MAGI2: variants seen among roughly 807,000 people sequenced by gnomAD.
MAGI2 encodes membrane associated guanylate kinase, WW and PDZ domain containing 2, also known as membrane-associated guanylate kinase, WW and PDZ domain-containing protein 2.
A neutral mutation model predicts 133.3 loss-of-function variants in MAGI2; 35 were observed. The observed-to-expected ratio is 0.26, with a 90% CI of 0.20 to 0.35. The LOEUF is 0.35. MAGI2 is among the 10% of genes least tolerant of loss of function. The pLI is 1.00. For synonymous variants in MAGI2, 729 were observed against 710.6 expected, an observed-to-expected ratio of 1.03 and a Z score of -0.41; for missense variants, 1,636 against 1,863.4, an observed-to-expected ratio of 0.88 and a Z score of 2.25.
chr7:78,122,601 A>G (rs1820576434), intron 20 of MAGI2, among the ~76,000 whole-genome samples: 1 of 152,208 alleles, frequency 6.6e-6, no homozygotes, highest in African/African-American at 2.4e-5. Flanking sequence ...TTATGAAATA[A>G]TGTTCTTTTT....
chr7:78,797,196 A>T (rs1787687155), intron 2 of MAGI2, among the ~76,000 whole-genome samples: 1 of 152,200 alleles, frequency 6.6e-6, no homozygotes, highest in African/African-American at 2.4e-5. Flanking sequence ...AATTACCCTG[A>T]TTTGATCATT....
chr7:78,554,276 T>C (rs1799600609), intron 3 of MAGI2, among the ~76,000 whole-genome samples: 1 of 152,166 alleles, frequency 6.6e-6, no homozygotes, highest in South Asian at 2.1e-4. Flanking sequence ...AAGGCTTGTG[T>C]AAGCGCTTGT....
chr7:78,844,701 G>A (rs518676), intron 2 of MAGI2, among the ~76,000 whole-genome samples: 22,487 of 151,686 alleles, frequency 0.15, 1,929 homozygotes, highest in Non-Finnish European at 0.2. Flanking sequence ...GGAACAGGGG[G>A]TGATGAAAAT....
intron 1 of MAGI2, among the ~76,000 whole-genome samples, chr7:79,228,673 T>G (rs1369054880): frequency 6.6e-6 from 1 of 152,212 alleles, no homozygotes; most frequent in Non-Finnish European, 1.5e-5. Context: ...CAGATTGTTA[T>G]GGTTATTTAT....
chr7:78,972,751 T>TA (rs1243658306), intron 2 of MAGI2, among the ~76,000 whole-genome samples: 1 of 151,948 alleles, frequency 6.6e-6, no homozygotes, highest in African/African-American at 2.4e-5. Flanking sequence ...ATAGTGGTAT[T>TA]GTATAACCAT....
intron 6 of MAGI2, among the ~76,000 whole-genome samples, chr7:78,387,230 C>T (rs1795466318): frequency 6.6e-6 from 1 of 152,066 alleles, no homozygotes; most frequent in African/African-American, 2.4e-5. Flanking sequence ...ATTCATGCAC[C>T]TTGATTGGGG....
chr7:79,356,781 T>C (rs187389804), intron 1 of MAGI2, among the ~76,000 whole-genome samples: 240 of 152,274 alleles, frequency 1.6e-3, no homozygotes, highest in African/African-American at 5.5e-3. Context: ...ACCCACAGCA[T>C]GACTGAATAT....
At chr7:79,008,188 A>G (rs1807657358) in intron 1 of MAGI2, among the ~76,000 whole-genome samples, 1 of 152,126 alleles carries the variant, frequency 6.6e-6, no homozygotes, top group African/African-American at 2.4e-5. Flanking sequence ...AAGACAAACA[A>G]TTAAAGATAG....
chr7:78,292,639 C>A (rs1470193729), intron 9 of MAGI2, among the ~76,000 whole-genome samples: 3 of 152,106 alleles, frequency 2.0e-5, no homozygotes, highest in Non-Finnish European at 4.4e-5. Context: ...AATCCTAAGT[C>A]AAAAGAACAA....
Position 79,399,095 on chromosome 7 carries a change from C to CTTTT in MAGI2, c.301+53921_301+53924dup, listed in dbSNP as rs767332496. ...GTATTATTTCTTTTTTTTTTCTTTT[C>CTTTT]TTTTTTTTTTTTTTTGGGAGATGGA... On this transcript the variant is annotated intron_variant, in intron 1 of 21. Transcript: ENST00000354212. Among the ~76,000 whole-genome samples the CTTTT allele has an allele frequency of 1.0e-4, 11 of 106,300 alleles. No homozygotes were observed. The South Asian group carries it at 1.4e-3, about 14-fold the overall frequency. 69.7% of individuals were successfully genotyped at this position (106,300 alleles called of 152,430 possible).
At chr7:79,391,132 A>G (rs1469039281) in intron 1 of MAGI2, among the ~76,000 whole-genome samples, 1 of 152,154 alleles carries the variant, frequency 6.6e-6, no homozygotes, top group Admixed American at 6.6e-5. Context: ...TCAGAAGTTG[A>G]CTTCCTGAGT....
chr7:78,196,814 C>T (rs1965528), intron 11 of MAGI2, among the ~76,000 whole-genome samples: 60,962 of 152,060 alleles, frequency 0.4, 12,955 homozygotes, highest in East Asian at 0.63. Flanking sequence ...TGCCCAAGAT[C>T]TCATTTGAAC....
chr7:79,015,264 G>C (rs1192993401), intron 1 of MAGI2, among the ~76,000 whole-genome samples: 1 of 151,904 alleles, frequency 6.6e-6, no homozygotes, highest in Non-Finnish European at 1.5e-5. Context: ...AGGTCAGCCT[G>C]GGCAACACAG....
intron 9 of MAGI2, among the ~76,000 whole-genome samples, chr7:78,325,557 G>A (rs1352032196): frequency 1.3e-5 from 2 of 152,120 alleles, no homozygotes; most frequent in African/African-American, 4.8e-5. Flanking sequence ...CAGACAAGAG[G>A]GAACACTAAT....
At chr7:78,625,001 C>T (rs535485090) in intron 3 of MAGI2, among the ~76,000 whole-genome samples, 1 of 152,014 alleles carries the variant, frequency 6.6e-6, no homozygotes, top group Non-Finnish European at 1.5e-5. Flanking sequence ...TAGGAGATGA[C>T]AGTTCCATGC....
intron 2 of MAGI2, among the ~76,000 whole-genome samples, chr7:78,847,956 G>A (rs1395687997): frequency 6.6e-6 from 1 of 151,884 alleles, no homozygotes; most frequent in Admixed American, 6.6e-5. Context: ...TGAATAACTT[G>A]CTAACTTACC....
At chr7:78,560,574 C>T (rs1800301304) in intron 3 of MAGI2, among the ~76,000 whole-genome samples, 2 of 152,010 alleles carry the variant, frequency 1.3e-5, no homozygotes, top group Admixed American at 6.6e-5. Flanking sequence ...TAAAAACATG[C>T]AAAAAATTAT....
chr7:78,583,715 T>C (rs1803094063), intron 3 of MAGI2, among the ~76,000 whole-genome samples: 1 of 152,068 alleles, frequency 6.6e-6, no homozygotes, highest in South Asian at 2.1e-4. Flanking sequence ...TATTATCCTT[T>C]TGGGGAATAC....
At chr7:78,991,543 G>A (rs1805783366) in intron 2 of MAGI2, among the ~76,000 whole-genome samples, 1 of 150,264 alleles carries the variant, frequency 6.7e-6, no homozygotes, top group Non-Finnish European at 1.5e-5. Context: ...CTGCCAGTAA[G>A]TTATATAATC....
Sources: allele counts gnomAD v4.1 joint callset (sites outside exome capture counted in the v4.1 genomes callset), GRCh38; gene constraint gnomAD v4.1.1; transcripts MANE v1.5; gene names NCBI Gene and HGNC (gene_info 2026-07-23, HGNC 2026-07-21).